EYS: variants seen among roughly 807,000 people sequenced by gnomAD.
EYS encodes protein eyes shut homolog.
Under a neutral mutation model 282.1 loss-of-function variants are expected in EYS, and 250 were observed. The observed-to-expected ratio is 0.89, with a 90% CI of 0.80 to 0.98. The LOEUF is 0.98. EYS is among the 50% of genes least tolerant of loss of function. The pLI is 0.00. For missense variants in EYS, 4,016 were observed against 3,709.0 expected, an observed-to-expected ratio of 1.08 and a Z score of -2.15; for synonymous variants, 1,355 against 1,282.9, an observed-to-expected ratio of 1.06 and a Z score of -1.20.
intron 26 of EYS, among the ~76,000 whole-genome samples, chr6:64,472,267 C>A (rs559981742): frequency 1.2e-3 from 189 of 152,258 alleles, no homozygotes; most frequent in Non-Finnish European, 2.0e-3. Flanking sequence ...CCATTTTTAT[C>A]ATTTTGTTTG....
intron 10 of EYS, among the ~76,000 whole-genome samples, chr6:65,338,939 G>C (rs1025060268): frequency 6.6e-6 from 1 of 151,112 alleles, no homozygotes; most frequent in Admixed American, 6.6e-5. Flanking sequence ...AATAATGCCA[G>C]CTATCATTTC....
At chr6:64,205,394 T>C (rs1765582650) in intron 31 of EYS, among the ~76,000 whole-genome samples, 2 of 152,130 alleles carry the variant, frequency 1.3e-5, no homozygotes, top group Admixed American at 1.3e-4. Context: ...CTTGGTATAG[T>C]TGATTCATTA....
At chr6:63,775,648 A>G (rs1427654748) in intron 40 of EYS, among the ~76,000 whole-genome samples, 1 of 152,212 alleles carries the variant, frequency 6.6e-6, no homozygotes, top group East Asian at 1.9e-4. Flanking sequence ...TACAGAAATA[A>G]ACTTCTTAAA....
chr6:65,690,181 T>G lies in EYS; in HGVS notation c.-448+16954A>C, dbSNP rs1196934710. Among the ~76,000 whole-genome samples the G allele has an allele frequency of 1.3e-5, 2 of 150,068 alleles. 1 individual carries two copies. Among genetic ancestry groups the G allele is most frequent in the East Asian group, 4.6e-4 (2 of 4,368 alleles). On this transcript the variant is annotated intron_variant, in intron 1 of 42. Transcript: ENST00000503581. ...ACAGAGCCTTAAAACAGAAACAGTC[T>G]TTCTATAACCTATGATTAGCAAGAT...
intron 12 of EYS, among the ~76,000 whole-genome samples, chr6:65,132,636 A>G (rs1775910590): frequency 6.6e-6 from 1 of 151,970 alleles, no homozygotes; most frequent in Non-Finnish European, 1.5e-5. Context: ...AGCATTCCCC[A>G]TGAAAACCAG....
At position 64,603,861 on chromosome 6, in the gene EYS, C is replaced by CTGTGTGTGTGTGTG. The variant is rs34430318; in HGVS notation, c.3685-10566_3685-10553dup. On this transcript the variant is annotated intron_variant, in intron 24 of 42. Transcript: ENST00000503581. Reference sequence around the variant, plus strand: ...GTATACTACTAAAGTAAATGAATACCTGTGTGTGTGTGTGTGTGTGTGTGT... The same window carrying CTGTGTGTGTGTGTG: ...GTATACTACTAAAGTAAATGAATACCTGTGTGTGTGTGTGTGTGTGTGTGTGTGTGTGTGTGTGT... 8.8e-4 allele frequency among the ~76,000 whole-genome samples: 130 copies of CTGTGTGTGTGTGTG among 148,276 alleles called. 1 individual carries two copies. The highest frequency in any genetic ancestry group is 2.7e-3 in the African/African-American group (111 of 40,696).
intron 12 of EYS, among the ~76,000 whole-genome samples, chr6:65,205,821 T>C (rs919317954): frequency 1.3e-5 from 2 of 151,618 alleles, no homozygotes; most frequent in African/African-American, 4.8e-5. Context: ...AAGGAAGAAA[T>C]CCAAAAGTTT....
chr6:65,382,043 T>TTCTAGAATAGAGTACATACCTCTA (rs1765630274), intron 8 of EYS, among the ~76,000 whole-genome samples: 3 of 151,892 alleles, frequency 2.0e-5, no homozygotes, highest in African/African-American at 7.2e-5. Context: ...ATTATGTTTA[T>TTCTAGAATAGAGTACATACCTCTA]TTCTAATATA....
chr6:64,925,884 A>G (rs1297838219), intron 15 of EYS, among the ~76,000 whole-genome samples: 1 of 152,096 alleles, frequency 6.6e-6, no homozygotes, highest in Non-Finnish European at 1.5e-5. Flanking sequence ...CACCAGCCCC[A>G]GTAGGGTTCG....
At chr6:64,027,585 A>G (rs946586622) in intron 33 of EYS, among the ~76,000 whole-genome samples, 3 of 152,198 alleles carry the variant, frequency 2.0e-5, no homozygotes, top group African/African-American at 7.2e-5. Flanking sequence ...TCAGACAAAC[A>G]AACCTTGGTG....
At chr6:65,688,979 A>C (rs1769135066) in intron 1 of EYS, among the ~76,000 whole-genome samples, 1 of 151,190 alleles carries the variant, frequency 6.6e-6, no homozygotes, top group African/African-American at 2.4e-5. Context: ...TTCCTCAGGG[A>C]TCTAGAACTA....
chr6:65,062,582 A>G (rs1267290426), intron 12 of EYS, among the ~76,000 whole-genome samples: 2 of 151,980 alleles, frequency 1.3e-5, no homozygotes, highest in African/African-American at 4.8e-5. Flanking sequence ...TCCTTACCTT[A>G]TATGATAAGG....
At chr6:64,201,120 TGAA>T (rs1226933803) in intron 31 of EYS, among the ~76,000 whole-genome samples, 3 of 152,116 alleles carry the variant, frequency 2.0e-5, no homozygotes, top group Admixed American at 6.6e-5. Context: ...TTTTGCCAGA[TGAA>T]GGAGAGTTGA....
intron 22 of EYS, among the ~76,000 whole-genome samples, chr6:64,689,552 C>T (rs2149913074): frequency 6.6e-6 from 1 of 152,216 alleles, no homozygotes; most frequent in East Asian, 1.9e-4. Context: ...AAGCTGGAGG[C>T]ATCACACTAC....
At chr6:64,415,978 C>A (rs985018357) in intron 28 of EYS, among the ~76,000 whole-genome samples, 1 of 152,078 alleles carries the variant, frequency 6.6e-6, no homozygotes, top group Non-Finnish European at 1.5e-5. Context: ...ACATATTGGA[C>A]AAAAACTGAG....
intron 35 of EYS, among the ~76,000 whole-genome samples, chr6:63,925,079 G>A (rs2149746377): frequency 6.6e-6 from 1 of 152,132 alleles, no homozygotes; most frequent in East Asian, 1.9e-4. Context: ...GACATCTTTG[G>A]GCAACTTAAT....
chr6:64,030,099 C>T (rs1011540107), intron 33 of EYS, among the ~76,000 whole-genome samples: 28 of 151,034 alleles, frequency 1.9e-4, no homozygotes, highest in African/African-American at 6.8e-4. Context: ...GAGGGAAAGA[C>T]AAAGAGAAAG....
At chr6:64,664,533 T>C (rs538963650) in intron 22 of EYS, among the ~76,000 whole-genome samples, 39 of 152,298 alleles carry the variant, frequency 2.6e-4, no homozygotes, top group African/African-American at 8.9e-4. Context: ...TAAAAAACAC[T>C]GCAGTGAGCT....
At chr6:63,873,216 T>G (rs79311637) in intron 35 of EYS, among the ~76,000 whole-genome samples, 1 of 148,236 alleles carries the variant, frequency 6.7e-6, no homozygotes, top group Non-Finnish European at 1.5e-5. Flanking sequence ...AGTGTTCTTA[T>G]TGTTTAATTC....
Sources: allele counts gnomAD v4.1 joint callset (sites outside exome capture counted in the v4.1 genomes callset), GRCh38; gene constraint gnomAD v4.1.1; transcripts MANE v1.5; gene names NCBI Gene and HGNC (gene_info 2026-07-23, HGNC 2026-07-21).